Variants in ZC3H12B observed in about 807,000 individuals in gnomAD.
ZC3H12B encodes the protein zinc finger CCCH-type containing 12B.
A neutral mutation model predicts 43.9 loss-of-function variants in ZC3H12B; 7 were observed. The observed-to-expected ratio is 0.16, with a 90% CI of 0.09 to 0.30. ZC3H12B has a LOEUF of 0.30. Among genes scored for constraint, ZC3H12B ranks in the 10% least tolerant of loss-of-function variants. ZC3H12B has a pLI of 1.00. For missense variants in ZC3H12B, 475 were observed against 670.2 expected, an observed-to-expected ratio of 0.71 and a Z score of 3.22; for synonymous variants, 222 against 241.7, an observed-to-expected ratio of 0.92 and a Z score of 0.76.
At chrX:65,238,590 A>G in the ZC3H12B span, among the ~76,000 whole-genome samples, 17 of 110,601 alleles carry the variant, frequency 1.5e-4, no homozygotes, top group Admixed American at 6.7e-4. Flanking sequence ...ATCTCCTTCA[A>G]TTCCACTCTG....
chrX:65,389,025 G>T (rs1200844259), intron 2 of ZC3H12B, among the ~76,000 whole-genome samples: 1 of 111,727 alleles, frequency 9.0e-6, no homozygotes, highest in Non-Finnish European at 1.9e-5. Context: ...TAAGCGGCTG[G>T]GTGAGGTGTC....
At chrX:65,267,953 A>T in the ZC3H12B span, among the ~76,000 whole-genome samples, 1 of 111,572 alleles carries the variant, frequency 9.0e-6, no homozygotes, top group African/African-American at 3.2e-5. Context: ...GTAGCAGGAA[A>T]ACCATAGGAA....
chrX:65,111,676 A>G, the ZC3H12B span, among the ~76,000 whole-genome samples: 2 of 109,575 alleles, frequency 1.8e-5, no homozygotes, highest in Admixed American at 2.0e-4. Flanking sequence ...AACCTTTTTC[A>G]TTGTCATTAT....
chrX:65,157,335 C>T, the ZC3H12B span, among the ~76,000 whole-genome samples: 1 of 112,187 alleles, frequency 8.9e-6, no homozygotes, highest in Non-Finnish European at 1.9e-5. Flanking sequence ...AAGATATGCT[C>T]AACATCTTAA....
At chrX:65,047,291 T>C in the ZC3H12B span, among the ~76,000 whole-genome samples, 1 of 111,638 alleles carries the variant, frequency 9.0e-6, no homozygotes, top group African/African-American at 3.2e-5. Context: ...AAAGTTGCAA[T>C]AAATGTACAG....
the ZC3H12B span, among the ~76,000 whole-genome samples, chrX:65,227,830 C>T: frequency 3.2e-4 from 36 of 111,160 alleles, no homozygotes; most frequent in South Asian, 7.6e-3. Flanking sequence ...AAGACTAAAC[C>T]AGGAAGAAGT....
the ZC3H12B span, among the ~76,000 whole-genome samples, chrX:65,133,532 A>C: frequency 3.6e-5 from 4 of 111,711 alleles, no homozygotes; most frequent in African/African-American, 1.3e-4. Flanking sequence ...AAAAAGGGAC[A>C]TCGACCTTGG....
intron 3 of ZC3H12B, among the ~76,000 whole-genome samples, chrX:65,439,268 G>A (rs529982930): frequency 2.7e-5 from 3 of 111,110 alleles, no homozygotes; most frequent in East Asian, 5.7e-4. Context: ...TTGAGGTTGA[G>A]GTGCCACTAT....
At chrX:65,266,390 A>G in the ZC3H12B span, among the ~76,000 whole-genome samples, 6 of 112,130 alleles carry the variant, frequency 5.4e-5, no homozygotes, top group Admixed American at 2.8e-4. Flanking sequence ...GCAAAGCTTT[A>G]AAACAAACCT....
chrX:65,222,184 T>C, the ZC3H12B span, among the ~76,000 whole-genome samples: 1 of 111,687 alleles, frequency 9.0e-6, no homozygotes, highest in Non-Finnish European at 1.9e-5. Flanking sequence ...AGCAGCAGCA[T>C]AGAAGGGGCA....
At chrX:65,468,109 C>T (rs2067850349) in intron 3 of ZC3H12B, among the ~76,000 whole-genome samples, 1 of 111,829 alleles carries the variant, frequency 8.9e-6, no homozygotes, top group Non-Finnish European at 1.9e-5. Context: ...TGTCTTTGAT[C>T]CATCTTGAGT....
the ZC3H12B span, among the ~76,000 whole-genome samples, chrX:65,280,515 A>G: frequency 8.9e-6 from 1 of 112,083 alleles, no homozygotes; most frequent in Non-Finnish European, 1.9e-5. Flanking sequence ...CACCATTTTT[A>G]TTCAACATAG....
the ZC3H12B span, among the ~76,000 whole-genome samples, chrX:65,179,142 C>A: frequency 2.7e-5 from 3 of 110,490 alleles, no homozygotes; most frequent in Non-Finnish European, 3.8e-5. Context: ...TCATTCTCAG[C>A]AGACTAACAC....
chrX:65,113,725 A>G, the ZC3H12B span, among the ~76,000 whole-genome samples: 61 of 109,705 alleles, frequency 5.6e-4, no homozygotes, highest in South Asian at 2.0e-3. Flanking sequence ...AGCTGTCAAC[A>G]TCGAGGAAAG....
chrX:65,423,220 C>T (rs1180340846), intron 3 of ZC3H12B, among the ~76,000 whole-genome samples: 6 of 111,537 alleles, frequency 5.4e-5, no homozygotes, highest in South Asian at 3.7e-4. Context: ...CATGAGCCAC[C>T]GTGCCTGGCC....
At chrX:65,161,428 T>G in the ZC3H12B span, among the ~76,000 whole-genome samples, 5 of 111,693 alleles carry the variant, frequency 4.5e-5, no homozygotes, top group Non-Finnish European at 9.4e-5. Context: ...AGGACTTGCT[T>G]TATGAATCTG....
At chrX:65,221,269 C>T in the ZC3H12B span, among the ~76,000 whole-genome samples, 3 of 111,600 alleles carry the variant, frequency 2.7e-5, no homozygotes, top group South Asian at 7.4e-4. Context: ...CAGAAATAGA[C>T]AATCTCAGGT....
At chrX:65,234,845 C>A in the ZC3H12B span, among the ~76,000 whole-genome samples, 1 of 111,379 alleles carries the variant, frequency 9.0e-6, no homozygotes, top group African/African-American at 3.3e-5. Flanking sequence ...TGCTCTTTCT[C>A]CCCCCACCAC....
At chrX:65,250,052 A>G in the ZC3H12B span, among the ~76,000 whole-genome samples, 1 of 110,237 alleles carries the variant, frequency 9.1e-6, no homozygotes, top group African/African-American at 3.3e-5. Context: ...CTCATCATTT[A>G]CATTAGGTAT....
Sources: allele counts gnomAD v4.1 joint callset (sites outside exome capture counted in the v4.1 genomes callset), GRCh38; gene constraint gnomAD v4.1.1; transcripts MANE v1.5; gene names NCBI Gene and HGNC (gene_info 2026-07-23, HGNC 2026-07-21).